CLCA4: variants seen among roughly 807,000 people sequenced by gnomAD.
CLCA4 encodes calcium-activated chloride channel regulator 4.
In CLCA4, 69 loss-of-function variants were observed where a neutral mutation model predicts 78.9. The observed-to-expected ratio is 0.87, with a 90% CI of 0.72 to 1.07. CLCA4 has a LOEUF of 1.07. Among genes scored for constraint, CLCA4 ranks in the 50% least tolerant of loss-of-function variants. The pLI is 0.00. For synonymous variants in CLCA4, 362 were observed against 375.8 expected (o/e 0.96, Z 0.42); for missense variants, 1,133 against 1,095.8 (o/e 1.03, Z -0.48).
intron 1 of CLCA4, among the ~76,000 whole-genome samples, chr1:86,553,571 G>C (rs991971596): frequency 1.3e-5 from 2 of 152,196 alleles, no homozygotes; most frequent in East Asian, 1.9e-4. Flanking sequence ...CCGCCAGCGC[G>C]GGGCCTTTAC....
intron 7 of CLCA4, among the ~76,000 whole-genome samples, chr1:86,570,094 C>A (rs1650304598): frequency 6.6e-6 from 1 of 151,946 alleles, no homozygotes; most frequent in Non-Finnish European, 1.5e-5. Flanking sequence ...ATATATTAGT[C>A]ACTCTTTGCT....
intron 4 of CLCA4, among the ~76,000 whole-genome samples, 200 bp downstream of exon 4, chr1:86,563,969 C>T (rs949189792): frequency 6.6e-6 from 1 of 152,014 alleles, no homozygotes; most frequent in Admixed American, 6.6e-5. Flanking sequence ...ATTCAGTTGA[C>T]AATTTAACAT....
rs1225554175 is a variant in CLCA4, at chr1:86,571,176, C to A, written c.1282C>A (p.Gln428Lys). 6.2e-7 allele frequency: 1 copy of A among 1,612,832 alleles called. No homozygotes were observed. Among genetic ancestry groups the A allele is most frequent in the Admixed American group, 1.7e-5 (1 of 59,918 alleles). ...AAGTTCTTGTATTGATGAAGTGAAA[C>A]AAAGTGGGGCCATTGTTCATTTTAT... is the stretch of plus-strand genomic sequence containing the variant. Reference protein sequence around the residue: ...TASSCIDEVKQSGAIVHFIAL... With the variant: ...TASSCIDEVKKSGAIVHFIAL... Residue 428 changes from glutamine to lysine, a missense_variant, in exon 8 of 14, where the codon CAA becomes AAA. By Grantham distance (53) the Gln-to-Lys change is moderately conservative. Coordinates refer to ENST00000370563, the MANE Select transcript of CLCA4 (RefSeq NM_012128.4).
intron 7 of CLCA4, among the ~76,000 whole-genome samples, chr1:86,568,898 C>A (rs1239850058): frequency 1.3e-5 from 2 of 151,998 alleles, no homozygotes; most frequent in Non-Finnish European, 2.9e-5. Context: ...AACATGAAGT[C>A]CTGCATTCAC....
intron 1 of CLCA4, among the ~76,000 whole-genome samples, chr1:86,553,939 A>T (rs1273714127): frequency 6.6e-6 from 1 of 152,174 alleles, no homozygotes; most frequent in Non-Finnish European, 1.5e-5. Context: ...CTGTCCAAAA[A>T]AAAAAGTTTG....
Position 86,580,399 on chromosome 1 carries a change from C to T in CLCA4, c.*54C>T. Reference sequence around the variant, plus strand: ...AGACCTAGAAGAGAGTTTTAAAAAACAAAACAATGTAAGTAAAGGATATTT... The same window carrying T: ...AGACCTAGAAGAGAGTTTTAAAAAATAAAACAATGTAAGTAAAGGATATTT... On this transcript the variant is annotated 3_prime_UTR_variant, in exon 14 of 14. Transcript: ENST00000370563. The T allele has an allele frequency of 2.3e-6, 3 of 1,331,038 alleles. No homozygotes were observed. Among genetic ancestry groups the T allele is most frequent in the Non-Finnish European group, 3.0e-6 (3 of 990,036 alleles). 82.5% of individuals were successfully genotyped at this position (1,331,038 alleles called of 1,614,324 possible).
chr1:86,560,432 G>A, intron 3 of CLCA4, 74 bp downstream of exon 3: 1 of 1,464,228 alleles, frequency 6.8e-7, no homozygotes, highest in East Asian at 2.4e-5. Context: ...AAGTGTGCAG[G>A]CCATGGGGCC....
chr1:86,555,459 C>G (rs1649810531), intron 1 of CLCA4, among the ~76,000 whole-genome samples: 1 of 152,222 alleles, frequency 6.6e-6, no homozygotes, highest in African/African-American at 2.4e-5. Context: ...AATAGGGAAT[C>G]TTTTCCCCAT....
intron 1 of CLCA4, among the ~76,000 whole-genome samples, chr1:86,556,993 T>C (rs1264846382): frequency 2.0e-5 from 3 of 152,196 alleles, no homozygotes; most frequent in Admixed American, 6.5e-5. Context: ...GAGGTGTTCA[T>C]AGTAGTTTCT....
In CLCA4 at chr1:86,547,290, A is replaced by G. The variant is rs1251666116; in HGVS notation, c.159+12A>G. On this transcript the variant is annotated intron_variant, in intron 1 of 13. Transcript: ENST00000370563. ...TTGAACAAATAGAGGTAAGAACAAAATGGAATATCTTTCATTAATTTTTAG... is the reference window on the plus strand; with the variant it reads ...TTGAACAAATAGAGGTAAGAACAAAGTGGAATATCTTTCATTAATTTTTAG... The G allele has an allele frequency of 6.4e-7, 1 of 1,551,124 alleles. No homozygotes were observed. The highest frequency in any genetic ancestry group is 2.3e-5 in the East Asian group (1 of 43,452).
Position 86,580,074 on chromosome 1 carries a change from C to CTG in CLCA4, c.2489_2490insTG (p.Asn832LysfsTer18). 4 of 1,612,942 alleles carry CTG rather than the reference C, an allele frequency of 2.5e-6. No individual in the cohort carries two copies. The Admixed American group carries it at 6.7e-5, about 27-fold the overall frequency. ...TCCAAGGAAAGCTTTGCATTTAAAC[C>CTG]AGAAAATATCTCAGAAGAAAATGCA... is the stretch of plus-strand genomic sequence containing the variant. On this transcript the variant is annotated frameshift_variant, in exon 14 of 14. Coordinates refer to ENST00000370563, the MANE Select transcript of CLCA4 (RefSeq NM_012128.4). LOFTEE classifies it low-confidence loss of function (END_TRUNC).
In CLCA4 at chr1:86,560,197, T is replaced by C. The variant is rs1649975075; in HGVS notation, c.301-14T>C. ...TTATTTTTGATGTTTGACAATCTTT[T>C]TCAACATTCTCAGGCTGATGTTATA... On this transcript the variant is annotated splice_polypyrimidine_tract_variant and intron_variant, in intron 2 of 13. Coordinates refer to ENST00000370563, the MANE Select transcript of CLCA4 (RefSeq NM_012128.4). 1 of 1,585,280 alleles carries C rather than the reference T, an allele frequency of 6.3e-7. No individual in the cohort carries two copies. Among genetic ancestry groups the C allele is most frequent in the African/African-American group, 1.4e-5 (1 of 73,230 alleles).
chr1:86,554,420 A>G (rs973514837), intron 1 of CLCA4, among the ~76,000 whole-genome samples: 11 of 152,056 alleles, frequency 7.2e-5, no homozygotes, highest in South Asian at 6.2e-4. Flanking sequence ...CTCTGTCACC[A>G]TGCCCAGCTA....
In CLCA4 at chr1:86,565,819, CG is replaced by C; in HGVS notation, c.754del (p.Glu252LysfsTer14). 1 of 1,516,920 alleles carries C rather than the reference CG, an allele frequency of 6.6e-7. No homozygotes were observed. The highest frequency in any genetic ancestry group is 8.8e-7 in the Non-Finnish European group (1 of 1,132,160). The allele number at this position is 1,516,920 out of a possible 1,614,324, so 94.0% of individuals were successfully genotyped here. A position where few individuals can be genotyped will look rare whatever the true frequency, so the allele number is the denominator to read the frequency against. Reference protein sequence around the residue: ...SIDSVVEFCNEKTHNQEAPSL... With the variant: ...SIDSVVEFCNXKTHNQEAPSL... Reference sequence around the variant, plus strand: ...CCTTTTAGGTTGTTGAATTTTGTAACGAAAAAACCCATAATCAAGAAGCTCC... The same window carrying C: ...CCTTTTAGGTTGTTGAATTTTGTAACAAAAAACCCATAATCAAGAAGCTCC... On this transcript the variant is annotated frameshift_variant, in exon 6 of 14. Transcript: ENST00000370563. LOFTEE classifies it high-confidence loss of function.
At chr1:86,573,096 A>G (rs1362034986) in intron 9 of CLCA4, 1 of 263,334 alleles carries the variant, frequency 3.8e-6, no homozygotes, top group Non-Finnish European at 7.5e-6. Flanking sequence ...AACTTCTATG[A>G]TATAGATTTA....
intron 7 of CLCA4, among the ~76,000 whole-genome samples, chr1:86,568,099 C>A (rs901458549): frequency 5.3e-5 from 8 of 151,872 alleles, no homozygotes; most frequent in African/African-American, 1.9e-4. Context: ...GCAGATGTAG[C>A]AAGACTGTGA....
At chr1:86,549,054 A>C (rs1295194160) in intron 1 of CLCA4, among the ~76,000 whole-genome samples, 2 of 152,184 alleles carry the variant, frequency 1.3e-5, no homozygotes, top group African/African-American at 2.4e-5. Context: ...TCTTCTTTTC[A>C]GAGATATAGT....
At chr1:86,559,627 G>T (rs991264470) in intron 1 of CLCA4, among the ~76,000 whole-genome samples, 3 of 152,134 alleles carry the variant, frequency 2.0e-5, no homozygotes, top group African/African-American at 7.2e-5. Flanking sequence ...ATTAGTATTA[G>T]AATCACGTAA....
chr1:86,565,128 A>G (rs900780070), intron 4 of CLCA4, 146 bp from the exon 5 acceptor site: 1 of 530,684 alleles, frequency 1.9e-6, no homozygotes. Flanking sequence ...TGGAACCCTT[A>G]AACCCTATAG....
Sources: gnomAD v4.1 joint callset for allele counts (sites outside exome capture counted in the v4.1 genomes callset) on GRCh38, gnomAD v4.1.1 for gene constraint, MANE v1.5 for transcripts, NCBI Gene and HGNC (gene_info 2026-07-23, HGNC 2026-07-21) for gene names.